The following ZNF226 variants were observed in gnomAD, a reference collection of about 807,000 sequenced individuals.
The protein encoded by ZNF226 is Kruppel-associated box protein.
In ZNF226, 6 loss-of-function variants were observed where a neutral mutation model predicts 11.4. The ratio of observed to expected loss-of-function variants is 0.53; its 90% CI spans 0.29 to 1.04. ZNF226 has a LOEUF of 1.04. Among genes scored for constraint, ZNF226 ranks in the 50% least tolerant of loss-of-function variants. ZNF226 has a pLI of 0.08. For missense variants in ZNF226, 1,058 were observed against 956.5 expected, an observed-to-expected ratio of 1.11 and a Z score of -1.40; for synonymous variants, 350 against 322.8, an observed-to-expected ratio of 1.08 and a Z score of -0.90.
At chr19:44,179,557 G>A (rs145029867), downstream of ZNF226, among the ~76,000 whole-genome samples, 9 of 152,272 alleles carry the variant, frequency 5.9e-5, 1 homozygote, top group African/African-American at 2.2e-4. Context: ...TGCAGTGAAT[G>A]CATTTGAAGC....
At chr19:44,169,734 C>G (rs1261543484) in intron 2 of ZNF226, 3 of 212,366 alleles carry the variant, frequency 1.4e-5, no homozygotes, top group Non-Finnish European at 2.8e-5. Flanking sequence ...TTAACCCATG[C>G]ATATCAATTC....
At chr19:44,179,263 C>T (rs759743737), downstream of ZNF226, among the ~76,000 whole-genome samples, 2 of 152,172 alleles carry the variant, frequency 1.3e-5, no homozygotes, top group Non-Finnish European at 2.9e-5. Context: ...TATGCCACCA[C>T]AGCATCGAAG....
Position 44,176,339 on chromosome 19 carries a change from A to G in ZNF226, c.1077A>G (p.Ala359=). ...ALNVHCKVHT[A]EKPYNCEECG... is the part of the protein sequence containing the mutation. ...ATGTTCATTGCAAGGTCCACACGGCAGAGAAACCTTATAATTGTGAGGAGT... is the reference window on the plus strand; with the variant it reads ...ATGTTCATTGCAAGGTCCACACGGCGGAGAAACCTTATAATTGTGAGGAGT... The change falls in exon 6 of 6, where the codon GCA becomes GCG. Residue 359 remains alanine (A), a synonymous_variant. Coordinates refer to ENST00000337433, the MANE Select transcript of ZNF226 (RefSeq NM_001032373.2). The G allele has an allele frequency of 6.2e-7, 1 of 1,614,242 alleles. No homozygotes were observed. The highest frequency in any genetic ancestry group is 8.5e-7 in the Non-Finnish European group (1 of 1,180,040).
chr19:44,179,503 G>A (rs1970874660), downstream of ZNF226, among the ~76,000 whole-genome samples: 1 of 152,138 alleles, frequency 6.6e-6, no homozygotes, highest in South Asian at 2.1e-4. Flanking sequence ...AACTTGTATG[G>A]TGGTTCAAAG....
chr19:44,176,177 A>G lies in ZNF226; in HGVS notation c.915A>G (p.Glu305=), dbSNP rs373499388. ...TTCATCAGAAAGTACATGTGGGAGA[A>G]AAACTTAAGTGTGATGAGTGTGGTA... ...LPVHQKVHVG[E]KLKCDECGKE... The change falls in exon 6 of 6, where the codon GAA becomes GAG. Residue 305 remains glutamate, a synonymous_variant. Coordinates refer to ENST00000337433, the MANE Select transcript of ZNF226 (RefSeq NM_001032373.2). 10 of 1,614,088 alleles carry G rather than the reference A, an allele frequency of 6.2e-6. No homozygotes were observed. The highest frequency in any genetic ancestry group is 8.5e-6 in the Non-Finnish European group (10 of 1,180,042).
At chr19:44,174,809 T>A in intron 5 of ZNF226, 1 of 478,672 alleles carries the variant, frequency 2.1e-6, no homozygotes, top group Non-Finnish European at 3.5e-6. Context: ...TTTGACTCAG[T>A]GCAAAAGCCT....
chr19:44,184,317 C>T, the ZNF226 span, among the ~76,000 whole-genome samples: 1 of 152,320 alleles, frequency 6.6e-6, no homozygotes, highest in South Asian at 2.1e-4. Flanking sequence ...TGCGGTTGCT[C>T]ATGCCTGTAA....
At chr19:44,178,421 C>A (rs1970853259), downstream of ZNF226, 1 of 152,080 alleles carries the variant, frequency 6.6e-6, no homozygotes, top group Admixed American at 6.6e-5. Flanking sequence ...AGATGTTGAT[C>A]ATTGGTTTTT....
Position 44,170,085 on chromosome 19 carries a change from A to G in ZNF226, c.5A>G (p.Asn2Ser), listed in dbSNP as rs771432384. Residue 2 changes from asparagine (N) to serine (S), a missense_variant, in exon 3 of 6, where the codon AAT becomes AGT. Physicochemically the swap from Asn to Ser is conservative, Grantham distance 46. Coordinates refer to ENST00000337433, the MANE Select transcript of ZNF226 (RefSeq NM_001032373.2). Reference protein sequence around the residue: MNMFKEAVTFKD... With the variant: MSMFKEAVTFKD... ...CCCCAGAAGGAAGAATTAAAAATGA[A>G]TATGTTCAAGGTGAGTAGAGCTTGC... 77 of 1,612,362 alleles carry G rather than the reference A, an allele frequency of 4.8e-5. No homozygotes were observed. The Middle Eastern group carries it at 4.9e-4, about 10-fold the overall frequency.
At chr19:44,183,387 G>T in the ZNF226 span, among the ~76,000 whole-genome samples, 1 of 152,174 alleles carries the variant, frequency 6.6e-6, no homozygotes, top group South Asian at 2.1e-4. Context: ...ATAGCTGACA[G>T]AATCCTCATA....
downstream of ZNF226, among the ~76,000 whole-genome samples, chr19:44,181,098 G>A (rs1312829567): frequency 6.6e-6 from 1 of 152,172 alleles, no homozygotes; most frequent in East Asian, 1.9e-4. Flanking sequence ...TTTCAACTCA[G>A]CCAGGTGCAG....
downstream of ZNF226, among the ~76,000 whole-genome samples, chr19:44,180,004 T>A (rs1970881919): frequency 6.6e-6 from 1 of 150,462 alleles, no homozygotes; most frequent in Non-Finnish European, 1.5e-5. Flanking sequence ...GAAGAATCAT[T>A]TGAACCCAGG....
At chr19:44,170,688 C>A (rs990871553) in intron 3 of ZNF226, among the ~76,000 whole-genome samples, 4 of 152,086 alleles carry the variant, frequency 2.6e-5, no homozygotes, top group Non-Finnish European at 4.4e-5. Context: ...GAGCAGAGAT[C>A]GTACCACTGC....
chr19:44,190,879 G>GA, the ZNF226 span, among the ~76,000 whole-genome samples: 4 of 151,828 alleles, frequency 2.6e-5, no homozygotes, highest in African/African-American at 4.8e-5. Context: ...GGATCAAATA[G>GA]AAAAAAATAA....
intron 4 of ZNF226, 161 bp downstream of exon 4, chr19:44,172,375 T>A: frequency 1.1e-6 from 1 of 908,112 alleles, no homozygotes; most frequent in Non-Finnish European, 1.6e-6. Context: ...ATATTTTAGG[T>A]CTTTTTCATT....
At chr19:44,198,940 G>T in the ZNF226 span, among the ~76,000 whole-genome samples, 3 of 152,060 alleles carry the variant, frequency 2.0e-5, no homozygotes, top group Non-Finnish European at 2.9e-5. Context: ...AAATAGCTGG[G>T]ATTACAGACA....
intron 3 of ZNF226, among the ~76,000 whole-genome samples, chr19:44,171,586 T>G (rs543100207): frequency 6.6e-6 from 1 of 152,280 alleles, no homozygotes; most frequent in South Asian, 2.1e-4. Context: ...AAAGGGCTTG[T>G]GAAAAATGAG....
At chr19:44,168,776 G>A (rs1969703557) in intron 2 of ZNF226, among the ~76,000 whole-genome samples, 1 of 151,986 alleles carries the variant, frequency 6.6e-6, no homozygotes, top group Non-Finnish European at 1.5e-5. Flanking sequence ...ATGTCTGCCA[G>A]GTTACCTTTT....
downstream of ZNF226, chr19:44,177,890 A>G (rs190313884): frequency 3.5e-4 from 170 of 490,176 alleles, no homozygotes; most frequent in East Asian, 2.6e-3. Context: ...GGCCTTTTAT[A>G]AAAGTATCAT....
Sources: gnomAD v4.1 joint callset for allele counts (sites outside exome capture counted in the v4.1 genomes callset) on GRCh38, gnomAD v4.1.1 for gene constraint, MANE v1.5 for transcripts, NCBI Gene and HGNC (gene_info 2026-07-23, HGNC 2026-07-21) for gene names.